The following PDE4D variants were observed in gnomAD, a reference collection of about 807,000 sequenced individuals.
PDE4D encodes 3',5'-cyclic-AMP phosphodiesterase 4D.
Under a neutral mutation model 87.4 loss-of-function variants are expected in PDE4D, and 24 were observed. The ratio of observed to expected loss-of-function variants is 0.27; its 90% confidence interval spans 0.20 to 0.39. PDE4D has a LOEUF of 0.39. Among genes scored for constraint, PDE4D ranks in the 10% least tolerant of loss-of-function variants. The pLI is 1.00. For synonymous variants in PDE4D, 384 were observed against 383.2 expected, an observed-to-expected ratio of 1.00 and a Z score of -0.02; for missense variants, 714 against 1,041.0, an observed-to-expected ratio of 0.69 and a Z score of 4.32.
chr5:59,859,764 A>G (rs1439550435), intron 1 of PDE4D, among the ~76,000 whole-genome samples: 1 of 152,216 alleles, frequency 6.6e-6, no homozygotes, highest in Non-Finnish European at 1.5e-5. Flanking sequence ...GGCACTCATG[A>G]AAGTGGTACT....
intron 1 of PDE4D, among the ~76,000 whole-genome samples, chr5:59,759,982 T>A (rs1761773362): frequency 6.6e-6 from 1 of 152,140 alleles, no homozygotes; most frequent in South Asian, 2.1e-4. Flanking sequence ...CAAAGAGAAA[T>A]CACTAAATAA....
At chr5:60,400,658 G>A (rs1195132863) in intron 1 of PDE4D, among the ~76,000 whole-genome samples, 1 of 151,944 alleles carries the variant, frequency 6.6e-6, no homozygotes, top group Non-Finnish European at 1.5e-5. Context: ...GGGGCTGGGT[G>A]CGATGGCTCA....
chr5:60,148,757 A>ATAGCTCT, intron 2 of PDE4D, among the ~76,000 whole-genome samples: 1 of 152,372 alleles, frequency 6.6e-6, no homozygotes, highest in Admixed American at 6.5e-5. Flanking sequence ...ATAATGAAAG[A>ATAGCTCT]TAGACTTATT....
chr5:60,153,251 A>G (rs984228105), intron 2 of PDE4D, among the ~76,000 whole-genome samples: 3 of 152,222 alleles, frequency 2.0e-5, no homozygotes, highest in African/African-American at 7.2e-5. Flanking sequence ...AAGACATGCA[A>G]ATGGCTAACA....
chr5:60,190,424 C>A (rs748400536), intron 1 of PDE4D, among the ~76,000 whole-genome samples: 4 of 152,186 alleles, frequency 2.6e-5, no homozygotes, highest in Non-Finnish European at 5.9e-5. Flanking sequence ...AAAGAAAGGA[C>A]TTCTTATTCC....
In PDE4D at chr5:60,193,632, A is replaced by C. The variant is rs1294307149; in HGVS notation, c.-89-7945T>G. Among the ~76,000 whole-genome samples, 12 of 135,228 alleles carry C rather than the reference A, an allele frequency of 8.9e-5. No individual in the cohort carries two copies. In the East Asian group the frequency reaches 3.0e-3, roughly 34 times the overall value. The allele number at this position is 135,228 out of a possible 152,430, so 88.7% of individuals were successfully genotyped here. On this transcript the variant is annotated intron_variant, in intron 1 of 16. Transcript: ENST00000502484. ...GCCTGCAGTGAGCCGAGATTGCGCC[A>C]CTGCACTCCAGCCTGGGCGACAGCG...
chr5:60,369,390 G>A (rs1274040258), intron 1 of PDE4D, among the ~76,000 whole-genome samples: 1 of 152,076 alleles, frequency 6.6e-6, no homozygotes, highest in Non-Finnish European at 1.5e-5. Context: ...TGACTTCCAC[G>A]TCTTTATTTC....
chr5:59,376,602 A>G (rs1784777315), intron 1 of PDE4D, among the ~76,000 whole-genome samples: 1 of 152,220 alleles, frequency 6.6e-6, no homozygotes, highest in African/African-American at 2.4e-5. Flanking sequence ...TAAAATGGCC[A>G]TACTGCCTGA....
At chr5:60,063,495 AG>A (rs1442771614) in intron 2 of PDE4D, among the ~76,000 whole-genome samples, 2 of 152,114 alleles carry the variant, frequency 1.3e-5, no homozygotes, top group Non-Finnish European at 2.9e-5. Context: ...CTAGCCTCAG[AG>A]GGTGGCTTTC....
intron 1 of PDE4D, among the ~76,000 whole-genome samples, chr5:59,891,491 G>C (rs1284539111): frequency 6.6e-6 from 1 of 152,188 alleles, no homozygotes; most frequent in East Asian, 1.9e-4. Context: ...CCAAAGGGGA[G>C]AGAGAAGGAC....
intron 5 of PDE4D, among the ~76,000 whole-genome samples, chr5:59,121,712 A>G (rs1774533459): frequency 6.6e-6 from 1 of 152,190 alleles, no homozygotes; most frequent in African/African-American, 2.4e-5. Flanking sequence ...CAATCTCACT[A>G]CTGGGTATTT....
intron 5 of PDE4D, among the ~76,000 whole-genome samples, chr5:59,144,122 G>T (rs568603673): frequency 2.6e-5 from 4 of 152,274 alleles, no homozygotes; most frequent in South Asian, 2.1e-4. Context: ...CATCTTTTAT[G>T]ACTTTAATTA....
intron 1 of PDE4D, among the ~76,000 whole-genome samples, chr5:60,467,561 C>T (rs1298436897): frequency 6.6e-6 from 1 of 152,190 alleles, no homozygotes; most frequent in Admixed American, 6.5e-5. Flanking sequence ...TAACCTTTCA[C>T]TAAAAGCCAT....
intron 2 of PDE4D, among the ~76,000 whole-genome samples, chr5:60,136,587 A>T (rs971347413): frequency 6.6e-6 from 1 of 152,010 alleles, no homozygotes; most frequent in African/African-American, 2.4e-5. Context: ...AGTGCTGGGT[A>T]TCATGTTATT....
At chr5:60,297,406 G>C (rs1753504743) in intron 1 of PDE4D, among the ~76,000 whole-genome samples, 1 of 152,068 alleles carries the variant, frequency 6.6e-6, no homozygotes, top group African/African-American at 2.4e-5. Flanking sequence ...ACTATGAATA[G>C]AACTGATTAA....
At chr5:59,068,980 A>C (rs1764336603) in intron 5 of PDE4D, among the ~76,000 whole-genome samples, 1 of 152,232 alleles carries the variant, frequency 6.6e-6, no homozygotes, top group Non-Finnish European at 1.5e-5. Flanking sequence ...AAGAGTAAGT[A>C]GTTTATCAGG....
intron 1 of PDE4D, among the ~76,000 whole-genome samples, chr5:59,467,382 G>A (rs1044055386): frequency 6.6e-6 from 1 of 152,136 alleles, no homozygotes; most frequent in African/African-American, 2.4e-5. Flanking sequence ...GAGACAGAGG[G>A]ATGACATTCT....
intron 1 of PDE4D, among the ~76,000 whole-genome samples, chr5:59,831,976 C>A (rs1741321266): frequency 6.6e-6 from 1 of 152,082 alleles, no homozygotes; most frequent in Non-Finnish European, 1.5e-5. Context: ...ATGGGCATAG[C>A]AGAATGGCAG....
At chr5:59,771,486 AG>A (rs1370001279) in intron 1 of PDE4D, among the ~76,000 whole-genome samples, 343 of 60,058 alleles carry the variant, frequency 5.7e-3, no homozygotes, top group Middle Eastern at 0.02. Flanking sequence ...AGAAAGAAAG[AG>A]AGAGAGAGAG....
Sources: gnomAD v4.1 joint callset for allele counts (sites outside exome capture counted in the v4.1 genomes callset) on GRCh38, gnomAD v4.1.1 for gene constraint, MANE v1.5 for transcripts, NCBI Gene and HGNC (gene_info 2026-07-23, HGNC 2026-07-21) for gene names.